GRM8: variants seen among roughly 807,000 people sequenced by gnomAD.
GRM8 encodes the protein metabotropic glutamate receptor 8.
In GRM8, 47 loss-of-function variants were observed where a neutral mutation model predicts 87.2. The observed-to-expected ratio is 0.54, with a 90% confidence interval of 0.43 to 0.69. GRM8 has a LOEUF of 0.69. Among genes scored for constraint, GRM8 ranks in the 30% least tolerant of loss-of-function variants. The probability of loss-of-function intolerance (pLI) is 0.00; values close to 1 mark genes in which losing one functional copy is unlikely to be tolerated. For synonymous variants in GRM8, 396 were observed against 404.5 expected (o/e 0.98, Z 0.25); for missense variants, 1,019 against 1,139.2 (o/e 0.89, Z 1.52).
intron 9 of GRM8, among the ~76,000 whole-genome samples, chr7:126,531,778 T>C (rs368773590): frequency 5.3e-5 from 8 of 152,260 alleles, no homozygotes; most frequent in East Asian, 1.9e-4. Flanking sequence ...AAGGGATGAA[T>C]ACTCATACTA....
At chr7:127,138,482 C>A (rs952414060) in intron 2 of GRM8, among the ~76,000 whole-genome samples, 1 of 152,060 alleles carries the variant, frequency 6.6e-6, no homozygotes, top group Non-Finnish European at 1.5e-5. Context: ...CCTAGGCAGG[C>A]AGATTTTCTT....
intron 6 of GRM8, among the ~76,000 whole-genome samples, chr7:126,802,437 T>C (rs1463090042): frequency 6.6e-6 from 1 of 152,190 alleles, no homozygotes; most frequent in African/African-American, 2.4e-5. Context: ...GTATTTGTCT[T>C]TCTGTGCCTG....
At chr7:126,681,877 G>C in intron 7 of GRM8, among the ~76,000 whole-genome samples, 1 of 152,084 alleles carries the variant, frequency 6.6e-6, no homozygotes, top group Non-Finnish European at 1.5e-5. Flanking sequence ...AACTTTGAAG[G>C]CTGTTTCCTT....
chr7:126,513,545 T>A (rs1235424228), intron 9 of GRM8, among the ~76,000 whole-genome samples: 1 of 152,110 alleles, frequency 6.6e-6, no homozygotes, highest in Non-Finnish European at 1.5e-5. Flanking sequence ...ATAGCCACTT[T>A]CCAGTCTTGG....
chr7:127,029,687 G>GT (rs760814666), intron 3 of GRM8, among the ~76,000 whole-genome samples: 10 of 151,000 alleles, frequency 6.6e-5, no homozygotes, highest in Non-Finnish European at 1.5e-4. Context: ...CATTTGCTTG[G>GT]TAGATCTTCC....
intron 8 of GRM8, among the ~76,000 whole-genome samples, chr7:126,572,636 A>G (rs1000416545): frequency 6.6e-6 from 1 of 152,226 alleles, no homozygotes; most frequent in Admixed American, 6.5e-5. Flanking sequence ...AGCTATCTAT[A>G]AGACATTTTC....
At chr7:126,835,593 T>A (rs3808145) in intron 6 of GRM8, among the ~76,000 whole-genome samples, 103,394 of 152,140 alleles carry the variant, frequency 0.68, 35,346 homozygotes, top group African/African-American at 0.75. Context: ...TTGAATACTT[T>A]CATCTTTAAA....
At chr7:126,987,999 A>C (rs1383230181) in intron 3 of GRM8, among the ~76,000 whole-genome samples, 2 of 152,206 alleles carry the variant, frequency 1.3e-5, no homozygotes, top group African/African-American at 4.8e-5. Flanking sequence ...TACATTAATG[A>C]ATGGTCCTCT....
chr7:127,211,813 A>G (rs1587286147), intron 2 of GRM8, among the ~76,000 whole-genome samples: 1 of 152,234 alleles, frequency 6.6e-6, no homozygotes, highest in Non-Finnish European at 1.5e-5. Context: ...GGACTTACCA[A>G]TCTCAAAAAC....
At chr7:127,145,533 A>G (rs1828509701) in intron 2 of GRM8, among the ~76,000 whole-genome samples, 1 of 152,284 alleles carries the variant, frequency 6.6e-6, no homozygotes. Context: ...TCAACTTTTC[A>G]TATTACTGAA....
chr7:126,533,389 C>A lies in GRM8; in HGVS notation c.1993G>T (p.Ala665Ser). 6.2e-7 allele frequency: 1 copy of A among 1,613,956 alleles called. No individual in the cohort carries two copies. Among genetic ancestry groups the A allele is most frequent in the Non-Finnish European group, 8.5e-7 (1 of 1,179,966 alleles). Residue 665 changes from alanine to serine, a missense_variant, in exon 9 of 11, where the codon GCC becomes TCC. Physicochemically the swap from Ala to Ser is moderately conservative, Grantham distance 99. Transcript: ENST00000339582. ...ATACGGTTTGTTTTGGTCAGAAGGGCTGCATAGCTGAAACACATGCCAAGT... is the reference window on the plus strand; with the variant it reads ...ATACGGTTTGTTTTGGTCAGAAGGGATGCATAGCTGAAACACATGCCAAGT... ...LGLGMCFSYA[A>S]LLTKTNRIHR...
intron 6 of GRM8, among the ~76,000 whole-genome samples, chr7:126,775,071 A>G (rs1819264603): frequency 6.6e-6 from 1 of 152,144 alleles, no homozygotes; most frequent in South Asian, 2.1e-4. Context: ...CAACCATCTC[A>G]GCTTGGAGTA....
intron 7 of GRM8, among the ~76,000 whole-genome samples, chr7:126,731,657 A>C (rs1813591833): frequency 6.6e-6 from 1 of 152,128 alleles, no homozygotes; most frequent in African/African-American, 2.4e-5. Context: ...ACCAGGAATA[A>C]GTCAATATTT....
intron 7 of GRM8, among the ~76,000 whole-genome samples, chr7:126,755,502 T>G (rs1158830505): frequency 6.6e-6 from 1 of 151,908 alleles, no homozygotes; most frequent in African/African-American, 2.4e-5. Context: ...AAAGGAGCAA[T>G]GTACAATCAA....
intron 7 of GRM8, among the ~76,000 whole-genome samples, chr7:126,639,471 G>A (rs904398183): frequency 3.3e-5 from 5 of 152,018 alleles, no homozygotes; most frequent in South Asian, 2.1e-4. Flanking sequence ...CTTATCTCTC[G>A]GCTTCTTTGT....
chr7:126,547,329 G>A (rs1817263773), intron 8 of GRM8, among the ~76,000 whole-genome samples: 1 of 152,086 alleles, frequency 6.6e-6, no homozygotes, highest in African/African-American at 2.4e-5. Context: ...CCAATGCATG[G>A]AGAGGGAGGC....
rs146527148 is a variant in GRM8 at position 127,243,185 on chromosome 7, C to T, written c.20G>A (p.Arg7Gln). The change falls in exon 2 of 11, where the codon CGA becomes CAA. Residue 7 changes from arginine to glutamine, a missense_variant. Transcript: ENST00000339582. ...GAAGAAACAAGGGCAAGAGGCTGATCGCTTTCCCTCGCATACCATTTTCTC... is the reference window on the plus strand; with the variant it reads ...GAAGAAACAAGGGCAAGAGGCTGATTGCTTTCCCTCGCATACCATTTTCTC... Reference protein sequence around the residue: MVCEGKRSASCPCFFLL... With the variant: MVCEGKQSASCPCFFLL... The T allele has an allele frequency of 1.6e-4, 252 of 1,607,956 alleles. No individual in the cohort carries two copies. The highest frequency in any genetic ancestry group is 2.0e-4 in the Non-Finnish European group (234 of 1,179,614).
intron 2 of GRM8, among the ~76,000 whole-genome samples, chr7:127,190,604 G>C (rs1163486122): frequency 6.6e-6 from 1 of 151,926 alleles, no homozygotes; most frequent in African/African-American, 2.4e-5. Flanking sequence ...AATGGCAAAG[G>C]AAGTGGTACA....
intron 3 of GRM8, among the ~76,000 whole-genome samples, chr7:126,919,067 C>A (rs555153222): frequency 2.0e-5 from 3 of 151,906 alleles, no homozygotes; most frequent in Non-Finnish European, 4.4e-5. Context: ...AAGTGAAAAG[C>A]AGCTTAGCTT....
Sources: gnomAD v4.1 joint callset for allele counts (sites outside exome capture counted in the v4.1 genomes callset) on GRCh38, gnomAD v4.1.1 for gene constraint, MANE v1.5 for transcripts, NCBI Gene and HGNC (gene_info 2026-07-23, HGNC 2026-07-21) for gene names.